The following CHST11 variants were observed in gnomAD, a reference collection of about 807,000 sequenced individuals.
CHST11 encodes C4S-1.
Under a neutral mutation model 30.4 loss-of-function variants are expected in CHST11, and 9 were observed. The ratio of observed to expected loss-of-function variants is 0.30; its 90% CI spans 0.18 to 0.52. The LOEUF (loss-of-function observed/expected upper bound fraction) is 0.52. CHST11 is among the 20% of genes least tolerant of loss of function. The pLI is 0.97. For synonymous variants in CHST11, 152 were observed against 187.8 expected (o/e 0.81, Z 1.56); for missense variants, 348 against 460.6 (o/e 0.76, Z 2.24).
At chr12:104,752,155 T>A (rs188561429) in intron 2 of CHST11, among the ~76,000 whole-genome samples, 2 of 152,282 alleles carry the variant, frequency 1.3e-5, no homozygotes, top group Non-Finnish European at 2.9e-5. Context: ...GAGGAATGGA[T>A]CCTTCCTTGC....
chr12:104,482,871 G>A (rs900126547), intron 1 of CHST11, among the ~76,000 whole-genome samples: 3 of 152,098 alleles, frequency 2.0e-5, no homozygotes, highest in African/African-American at 7.2e-5. Context: ...CTGTCTTTTA[G>A]TGGCTTCACG....
intron 1 of CHST11, among the ~76,000 whole-genome samples, chr12:104,492,128 G>A (rs1239605226): frequency 2.0e-5 from 3 of 151,904 alleles, no homozygotes; most frequent in African/African-American, 4.8e-5. Context: ...ATGGAGTCTC[G>A]CTCTGTCACC....
chr12:104,648,104 A>G (rs1014328852), intron 2 of CHST11, among the ~76,000 whole-genome samples: 1 of 152,204 alleles, frequency 6.6e-6, no homozygotes, highest in Non-Finnish European at 1.5e-5. Flanking sequence ...TAAGGTATGA[A>G]TACAAGGAGG....
intron 2 of CHST11, among the ~76,000 whole-genome samples, chr12:104,633,601 G>C (rs1477463414): frequency 6.6e-6 from 1 of 151,846 alleles, no homozygotes; most frequent in Non-Finnish European, 1.5e-5. Context: ...ATTTTTAGTA[G>C]AGACATGGTT....
At chr12:104,497,694 A>T (rs1014981470) in intron 1 of CHST11, among the ~76,000 whole-genome samples, 2 of 151,952 alleles carry the variant, frequency 1.3e-5, no homozygotes, top group African/African-American at 4.8e-5. Context: ...TAACCTTCTT[A>T]CCGTATGTCC....
intron 1 of CHST11, among the ~76,000 whole-genome samples, chr12:104,502,230 G>A (rs111773669): frequency 0.041 from 6,271 of 151,930 alleles, 197 homozygotes; most frequent in Admixed American, 0.094. Context: ...GGGGTGTGGC[G>A]GGGCAGTGGT....
At chr12:104,631,114 C>CAACAGCA (rs1314609152) in intron 2 of CHST11, among the ~76,000 whole-genome samples, 1 of 152,180 alleles carries the variant, frequency 6.6e-6, no homozygotes, top group East Asian at 1.9e-4. Flanking sequence ...GTCTGGGATG[C>CAACAGCA]TGTTAACCAA....
At chr12:104,672,853 G>A (rs1361344524) in intron 2 of CHST11, among the ~76,000 whole-genome samples, 1 of 152,200 alleles carries the variant, frequency 6.6e-6, no homozygotes, top group Non-Finnish European at 1.5e-5. Flanking sequence ...ACCCAGGCGT[G>A]AGGATTACTC....
chr12:104,613,937 T>C (rs1290637780), intron 2 of CHST11, among the ~76,000 whole-genome samples: 1 of 152,170 alleles, frequency 6.6e-6, no homozygotes, highest in Non-Finnish European at 1.5e-5. Flanking sequence ...AAAGTTTCAT[T>C]AGATAGAATG....
At chr12:104,589,263 T>A (rs1481191405) in intron 1 of CHST11, among the ~76,000 whole-genome samples, 1 of 151,930 alleles carries the variant, frequency 6.6e-6, no homozygotes, top group African/African-American at 2.4e-5. Context: ...TAGTCAATGA[T>A]GGTGGCCTGT....
intron 1 of CHST11, among the ~76,000 whole-genome samples, chr12:104,557,356 G>A (rs997978330): frequency 6.6e-6 from 1 of 152,192 alleles, no homozygotes; most frequent in Non-Finnish European, 1.5e-5. Context: ...AGGTCATGAG[G>A]GGCTTATAGG....
chr12:104,628,531 G>T (rs1388160041), intron 2 of CHST11, among the ~76,000 whole-genome samples: 1 of 152,212 alleles, frequency 6.6e-6, no homozygotes, highest in Non-Finnish European at 1.5e-5. Context: ...TGTTTCCGTT[G>T]TCCAGGGTAA....
intron 2 of CHST11, among the ~76,000 whole-genome samples, chr12:104,692,619 G>A (rs312146): frequency 0.5 from 76,265 of 151,918 alleles, 20,823 homozygotes; most frequent in Non-Finnish European, 0.62. Context: ...CCACAGACCC[G>A]TACCAGTCCC....
intron 2 of CHST11, among the ~76,000 whole-genome samples, chr12:104,640,513 T>C (rs1198754023): frequency 6.6e-6 from 1 of 152,216 alleles, no homozygotes; most frequent in Admixed American, 6.5e-5. Context: ...TATATGACAT[T>C]CTGTAAAAGT....
At chr12:104,578,627 A>G (rs1394561275) in intron 1 of CHST11, among the ~76,000 whole-genome samples, 1 of 152,196 alleles carries the variant, frequency 6.6e-6, no homozygotes. Flanking sequence ...CTGTCCCAGA[A>G]TCCCTAAGTC....
intron 2 of CHST11, among the ~76,000 whole-genome samples, chr12:104,716,689 T>C (rs2040134214): frequency 6.6e-6 from 1 of 152,184 alleles, no homozygotes; most frequent in Non-Finnish European, 1.5e-5. Flanking sequence ...GCTCCCAACG[T>C]GCCTGGGGGA....
At chr12:104,681,825 C>CTTTTTTTTTTTTTT (rs149441295) in intron 2 of CHST11, among the ~76,000 whole-genome samples, 4 of 85,086 alleles carry the variant, frequency 4.7e-5, no homozygotes, top group Admixed American at 1.6e-4. Context: ...GTCTGTTTTG[C>CTTTTTTTTTTTTTT]TTTTTTTTTT....
chr12:104,616,459 G>A (rs1020452254), intron 2 of CHST11, among the ~76,000 whole-genome samples: 6 of 148,906 alleles, frequency 4.0e-5, no homozygotes, highest in African/African-American at 1.5e-4. Flanking sequence ...CTGCCAAAGG[G>A]AAACTACATT....
intron 1 of CHST11, among the ~76,000 whole-genome samples, chr12:104,598,141 G>A (rs2038924644): frequency 6.6e-6 from 1 of 152,344 alleles, no homozygotes; most frequent in African/African-American, 2.4e-5. Flanking sequence ...AATGCCACTT[G>A]TAAGATACAT....
Sources: gnomAD v4.1 joint callset for allele counts (sites outside exome capture counted in the v4.1 genomes callset) on GRCh38, gnomAD v4.1.1 for gene constraint, MANE v1.5 for transcripts, NCBI Gene and HGNC (gene_info 2026-07-23, HGNC 2026-07-21) for gene names.